The following ARHGAP44 variants were observed in gnomAD, a reference collection of about 807,000 sequenced individuals.
ARHGAP44 encodes the protein rho GTPase-activating protein 44.
A neutral mutation model predicts 106.8 loss-of-function variants in ARHGAP44; 43 were observed. The ratio of observed to expected loss-of-function variants is 0.40; its 90% CI spans 0.32 to 0.52. The LOEUF is 0.52. Among genes scored for constraint, ARHGAP44 ranks in the 20% least tolerant of loss-of-function variants. The probability of loss-of-function intolerance (pLI) is 0.48; values close to 1 mark genes in which losing one functional copy is unlikely to be tolerated. For missense variants in ARHGAP44, 866 were observed against 1,050.5 expected (o/e 0.82, Z 2.43); for synonymous variants, 439 against 410.3 (o/e 1.07, Z -0.85).
intron 2 of ARHGAP44, among the ~76,000 whole-genome samples, chr17:12,895,754 A>G (rs958720981): frequency 3.3e-5 from 5 of 152,280 alleles, no homozygotes; most frequent in Admixed American, 1.3e-4. Context: ...ATTACTGGGT[A>G]TATACCCAAA....
intron 5 of ARHGAP44, among the ~76,000 whole-genome samples, chr17:12,918,107 G>T (rs1489688058): frequency 6.6e-6 from 1 of 152,206 alleles, no homozygotes; most frequent in Non-Finnish European, 1.5e-5. Context: ...CTCAAAAGGA[G>T]GGTCCCGGGT....
intron 1 of ARHGAP44, among the ~76,000 whole-genome samples, chr17:12,871,786 C>G (rs912253558): frequency 1.3e-5 from 2 of 152,074 alleles, no homozygotes; most frequent in Non-Finnish European, 2.9e-5. Flanking sequence ...TAGCACCTCC[C>G]CCCGTCTCTC....
chr17:12,812,663 G>C (rs1284431141), intron 1 of ARHGAP44, among the ~76,000 whole-genome samples: 1 of 152,120 alleles, frequency 6.6e-6, no homozygotes, highest in Non-Finnish European at 1.5e-5. Context: ...CTGTATGGTG[G>C]ATAAATAGGT....
chr17:12,945,929 G>A (rs553686204), intron 10 of ARHGAP44, among the ~76,000 whole-genome samples: 2 of 152,062 alleles, frequency 1.3e-5, no homozygotes, highest in South Asian at 4.2e-4. Context: ...TGGGATTACA[G>A]GCTCCCAGAG....
intron 4 of ARHGAP44, among the ~76,000 whole-genome samples, chr17:12,914,685 A>G (rs1598046050): frequency 6.6e-6 from 1 of 151,982 alleles, no homozygotes; most frequent in East Asian, 1.9e-4. Context: ...AATCCCAGCT[A>G]CTCAGGAGGC....
chr17:12,990,459 A>C lies in ARHGAP44; in HGVS notation c.*288A>C. The C allele has an allele frequency of 2.9e-6, 1 of 347,166 alleles. No individual in the cohort carries two copies. The highest frequency in any genetic ancestry group is 3.3e-5 in the South Asian group (1 of 30,334). 21.5% of individuals were successfully genotyped at this position (347,166 alleles called of 1,614,324 possible). A position where few individuals can be genotyped will look rare whatever the true frequency, so the allele number is the denominator to read the frequency against. ...ACTTTCAGCCTCCATGCCAGAAAAC[A>C]CCCACCTCTCCATCCAAGGCTGGTC... is the stretch of plus-strand genomic sequence containing the variant. On this transcript the variant is annotated 3_prime_UTR_variant, in exon 21 of 21. Transcript: ENST00000379672.
intron 7 of ARHGAP44, among the ~76,000 whole-genome samples, chr17:12,937,226 T>C (rs2038573838): frequency 6.6e-6 from 1 of 152,204 alleles, no homozygotes; most frequent in South Asian, 2.1e-4. Flanking sequence ...AAAAGCCCAA[T>C]AGTTTAGGCT....
At position 12,990,092 on chromosome 17, in the gene ARHGAP44, G is replaced by A. The variant is rs200124334; in HGVS notation, c.2378G>A (p.Ser793Asn). ...GAGCTCGGGTCGACGCTCCGCCTGA[G>A]TCCCCTGGAGCACATGCGGCGACAC... ...HIELGSTLRL[S>N]PLEHMRRHSV... Residue 793 changes from serine to asparagine, a missense_variant, in exon 21 of 21, where the codon AGT (serine) becomes AAT (asparagine). This residue lies in a region of ARHGAP44 where 418 missense variants were observed against 403.6 expected (regional missense o/e 1.04). Coordinates refer to ENST00000379672, the MANE Select transcript of ARHGAP44 (RefSeq NM_014859.6). 1.5e-4 allele frequency: 235 copies of A among 1,613,190 alleles called. No individual in the cohort carries two copies. Among genetic ancestry groups the A allele is most frequent in the Admixed American group, 2.2e-4 (13 of 60,020 alleles).
chr17:12,975,163 T>C (rs116352713), intron 18 of ARHGAP44, among the ~76,000 whole-genome samples: 2 of 152,176 alleles, frequency 1.3e-5, no homozygotes, highest in African/African-American at 4.8e-5. Flanking sequence ...AAATATTTTA[T>C]TGAACTGTAC....
At chr17:12,947,934 C>T (rs1454337973) in intron 10 of ARHGAP44, among the ~76,000 whole-genome samples, 1 of 152,092 alleles carries the variant, frequency 6.6e-6, no homozygotes, top group Non-Finnish European at 1.5e-5. Flanking sequence ...GTTAGTGATC[C>T]TAGCAAGGCA....
In ARHGAP44 at chr17:12,896,527, G is replaced by A; in HGVS notation, c.198+16G>A. ...CAAGCGCTCCGTAAGTGCCCTCCCAGCCCTGGGGAGCTGAAATCTTGCCTA... is the reference window on the plus strand; with the variant it reads ...CAAGCGCTCCGTAAGTGCCCTCCCAACCCTGGGGAGCTGAAATCTTGCCTA... On this transcript the variant is annotated intron_variant, in intron 3 of 20. Transcript: ENST00000379672. 1 of 1,573,788 alleles carries A rather than the reference G, an allele frequency of 6.4e-7. No individual in the cohort carries two copies. Among genetic ancestry groups the A allele is most frequent in the African/African-American group, 1.3e-5 (1 of 74,116 alleles).
intron 18 of ARHGAP44, 23 bp downstream of exon 18, chr17:12,974,333 C>CG: frequency 1.4e-6 from 2 of 1,385,478 alleles, no homozygotes; most frequent in Non-Finnish European, 1.9e-6. Flanking sequence ...CACTGCCGTC[C>CG]GGGCGGGCTG....
intron 2 of ARHGAP44, 93 bp from the exon 3 acceptor site, chr17:12,896,314 A>G (rs1221980080): frequency 5.7e-6 from 6 of 1,053,668 alleles, no homozygotes; most frequent in Non-Finnish European, 8.3e-6. Flanking sequence ...CCTTGTCTCC[A>G]TGGAAACATG....
chr17:12,835,803 CTCTCCCTCCAGGCG>C (rs1044900287), intron 1 of ARHGAP44, among the ~76,000 whole-genome samples: 1 of 152,088 alleles, frequency 6.6e-6, no homozygotes, highest in Non-Finnish European at 1.5e-5. Context: ...TCCCATTTTT[CTCTCCCTCCAGGCG>C]CCAGTAATCA....
At chr17:12,812,552 G>A (rs1187882374) in intron 1 of ARHGAP44, among the ~76,000 whole-genome samples, 1 of 152,186 alleles carries the variant, frequency 6.6e-6, no homozygotes, top group African/African-American at 2.4e-5. Flanking sequence ...TCCAAATGCA[G>A]CAATATGCAG....
intron 1 of ARHGAP44, among the ~76,000 whole-genome samples, chr17:12,801,405 A>G (rs1434081804): frequency 6.6e-6 from 1 of 152,210 alleles, no homozygotes; most frequent in African/African-American, 2.4e-5. Context: ...CATTTTCTAC[A>G]CAAGTCTCAG....
chr17:12,918,813 G>T (rs2037990474), intron 5 of ARHGAP44, among the ~76,000 whole-genome samples: 1 of 152,104 alleles, frequency 6.6e-6, no homozygotes, highest in Non-Finnish European at 1.5e-5. Flanking sequence ...GGATGTGGTT[G>T]AGCCCTGGTT....
chr17:12,958,678 A>T lies in ARHGAP44; in HGVS notation c.1343-39A>T. Reference sequence around the variant, plus strand: ...CCCCTGCCCAGGAAGGGTGTGGCAGACCAAGAGTTCACATGTACCAATTCT... The same window carrying T: ...CCCCTGCCCAGGAAGGGTGTGGCAGTCCAAGAGTTCACATGTACCAATTCT... On this transcript the variant is annotated intron_variant, in intron 15 of 20. Coordinates refer to ENST00000379672, the MANE Select transcript of ARHGAP44 (RefSeq NM_014859.6). This position sits in a 1 kb window ranked among gnomAD's most constrained non-coding sequence, Gnocchi z 4.1. 1 of 1,600,890 alleles carries T rather than the reference A, an allele frequency of 6.2e-7. No individual in the cohort carries two copies. The highest frequency in any genetic ancestry group is 8.5e-7 in the Non-Finnish European group (1 of 1,170,228).
Position 12,836,855 on chromosome 17 carries a change from AT to A in ARHGAP44, c.53+46966del, listed in dbSNP as rs562791314. Among the ~76,000 whole-genome samples the A allele has an allele frequency of 1.1e-4, 16 of 152,346 alleles. No individual in the cohort carries two copies. The South Asian group carries it at 3.1e-3, about 30-fold the overall frequency. ...GGACTTCACCACTGCTCTCTTAGTT[AT>A]TGATAGAATCAGTTCACAGAAAATT... On this transcript the variant is annotated intron_variant, in intron 1 of 20. Coordinates refer to ENST00000379672, the MANE Select transcript of ARHGAP44 (RefSeq NM_014859.6).
Sources: gnomAD v4.1 joint callset for allele counts (sites outside exome capture counted in the v4.1 genomes callset) on GRCh38, gnomAD v4.1.1 for gene constraint, gnomAD v4.1.1 regional missense constraint, Gnocchi (gnomAD v3.1) non-coding constraint, MANE v1.5 for transcripts, NCBI Gene and HGNC (gene_info 2026-07-23, HGNC 2026-07-21) for gene names.